SLC23A1: variants seen among roughly 807,000 people sequenced by gnomAD.
The protein encoded by SLC23A1 is Na(+)/L-ascorbic acid transporter 1.
SLC23A1 carries 31 observed loss-of-function variants against 62.5 expected under a neutral mutation model. That is an observed-to-expected ratio of 0.50 (90% CI 0.37 to 0.67). The LOEUF is 0.67. Ranked by LOEUF, SLC23A1 falls within the 30% of genes least tolerant of loss-of-function variation. The pLI, the probability that SLC23A1 is intolerant of heterozygous loss-of-function variation, is 0.00. For missense variants in SLC23A1, 640 were observed against 782.7 expected, an observed-to-expected ratio of 0.82 and a Z score of 2.18; for synonymous variants, 271 against 313.2, an observed-to-expected ratio of 0.87 and a Z score of 1.42.
upstream of SLC23A1, chr5:139,384,414 G>A (rs1419431951): frequency 2.6e-5 from 34 of 1,289,620 alleles, no homozygotes; most frequent in Admixed American, 4.6e-5. Flanking sequence ...GGGCAGCACC[G>A]CTCTCCAGCT....
At chr5:139,383,837 T>C (rs10063949), upstream of SLC23A1, among the ~76,000 whole-genome samples, 73,323 of 152,184 alleles carry the variant, frequency 0.48, 20,274 homozygotes, top group African/African-American at 0.75. Context: ...ATAGCAAGTT[T>C]GCAGAAACCA....
chr5:139,383,194 G>GCC, intron 1 of SLC23A1, 24 bp downstream of exon 1: 1 of 96,956 alleles, frequency 1.0e-5, no homozygotes, highest in Non-Finnish European at 1.8e-5. Context: ...GCCCCCCCTA[G>GCC]CCCCCACCCC....
In SLC23A1 at chr5:139,380,396, G is replaced by C; in HGVS notation, c.466-7C>G. 6.2e-7 allele frequency: 1 copy of C among 1,613,328 alleles called. No homozygotes were observed. The highest frequency in any genetic ancestry group is 2.2e-5 in the East Asian group (1 of 44,846). On this transcript the variant is annotated splice_polypyrimidine_tract_variant and splice_region_variant and intron_variant, in intron 5 of 14. Transcript: ENST00000348729. The stretch of plus-strand genomic sequence containing the variant: ...CCATGATTGCACCCTGGACCTGGAA[G>C]GGCAAACATCAGCCGTAAGTCACCA...
At position 139,381,721 on chromosome 5, in the gene SLC23A1, G is replaced by T. The variant is rs375206275; in HGVS notation, c.308+171C>A. On this transcript the variant is annotated intron_variant, in intron 3 of 14. Coordinates refer to ENST00000348729, the MANE Select transcript of SLC23A1 (RefSeq NM_005847.5). The stretch of plus-strand genomic sequence containing the variant: ...AGTGTGCCTAGATCAAGATTCCCAG[G>T]GTTGGGGCCACGCTGCCCAGCTCTA... 2.0e-5 allele frequency among the ~76,000 whole-genome samples: 3 copies of T among 152,102 alleles called. No homozygotes were observed. In the South Asian group the frequency reaches 6.2e-4, roughly 32 times the overall value.
Position 139,376,382 on chromosome 5 carries a change from C to A in SLC23A1, c.1549+1020G>T, listed in dbSNP as rs571198118. ...ATGGGGTTTCACCATGTTGGCCAGGCTTGTCTCAAACTCCTGACCTCGTGA... is the reference window on the plus strand; with the variant it reads ...ATGGGGTTTCACCATGTTGGCCAGGATTGTCTCAAACTCCTGACCTCGTGA... On this transcript the variant is annotated intron_variant, in intron 13 of 14. Transcript: ENST00000348729. 1.3e-4 allele frequency among the ~76,000 whole-genome samples: 20 copies of A among 152,138 alleles called. No homozygotes were observed. The East Asian group carries it at 3.5e-3, about 26-fold the overall frequency.
Position 139,371,970 on chromosome 5 carries a change from C to T in SLC23A1, c.*19+17G>A. ...TGATTATTCAACCCTCCCACAAAAA[C>T]CATAGACACATCCTACCTTTCCTGG... On this transcript the variant is annotated intron_variant, in intron 14 of 14. Coordinates refer to ENST00000348729, the MANE Select transcript of SLC23A1 (RefSeq NM_005847.5). 6.3e-7 allele frequency: 1 copy of T among 1,594,818 alleles called. No individual in the cohort carries two copies. The highest frequency in any genetic ancestry group is 1.3e-5 in the African/African-American group (1 of 74,354).
chr5:139,367,872 C>G (rs1382974190), intron 14 of SLC23A1, among the ~76,000 whole-genome samples: 9 of 152,284 alleles, frequency 5.9e-5, no homozygotes, highest in Admixed American at 3.9e-4. Flanking sequence ...TACACTTAAG[C>G]AAACTGAATT....
intron 2 of SLC23A1, 70 bp downstream of exon 2, chr5:139,382,422 C>T: frequency 1.2e-6 from 1 of 855,166 alleles, no homozygotes; most frequent in Non-Finnish European, 1.9e-6. Flanking sequence ...ATACTCCCTG[C>T]TGGCCAGGGA....
At position 139,380,521 on chromosome 5, in the gene SLC23A1, C is replaced by T. The variant is rs113943687; in HGVS notation, c.465+44G>A. The stretch of plus-strand genomic sequence containing the variant: ...CGGCCACCCTCACTCCCATATAGCC[C>T]CTCCTCAGGACCCGGCCTCTTCTAT... On this transcript the variant is annotated intron_variant, in intron 5 of 14. Transcript: ENST00000348729. The T allele has an allele frequency of 3.5e-5, 56 of 1,603,692 alleles. 2 individuals carry two copies. The highest frequency in any genetic ancestry group is 2.8e-4 in the African/African-American group (21 of 74,832).
intron 13 of SLC23A1, among the ~76,000 whole-genome samples, chr5:139,372,983 A>G (rs1249513649): frequency 6.6e-6 from 1 of 152,176 alleles, no homozygotes; most frequent in Non-Finnish European, 1.5e-5. Context: ...TGGGGACCAA[A>G]TCAAGTCCAG....
intron 14 of SLC23A1, among the ~76,000 whole-genome samples, chr5:139,369,949 C>T (rs1757550830): frequency 6.6e-6 from 1 of 152,162 alleles, no homozygotes; most frequent in Non-Finnish European, 1.5e-5. Flanking sequence ...TCAGGGGAAT[C>T]CTAGATAGTC....
At chr5:139,375,922 C>G (rs902573043) in intron 13 of SLC23A1, among the ~76,000 whole-genome samples, 1 of 151,982 alleles carries the variant, frequency 6.6e-6, no homozygotes, top group African/African-American at 2.4e-5. Context: ...TCACTTGAGC[C>G]CAGGAGTTCA....
Position 139,379,196 on chromosome 5 carries a change from A to G in SLC23A1, c.1073+11T>C, listed in dbSNP as rs1209589713. 6.2e-7 allele frequency: 1 copy of G among 1,613,892 alleles called. No individual in the cohort carries two copies. Among genetic ancestry groups the G allele is most frequent in the Non-Finnish European group, 8.5e-7 (1 of 1,179,808 alleles). Reference sequence around the variant, plus strand: ...GAGGAGATCAGATACTGAGGAGGGCAGGTAGGCTACCTGTTGATAGCATGT... The same window carrying G: ...GAGGAGATCAGATACTGAGGAGGGCGGGTAGGCTACCTGTTGATAGCATGT... On this transcript the variant is annotated intron_variant, in intron 9 of 14. Coordinates refer to ENST00000348729, the MANE Select transcript of SLC23A1 (RefSeq NM_005847.5). This position sits in a 1 kb window ranked among gnomAD's most constrained non-coding sequence, Gnocchi z 4.7.
chr5:139,376,153 A>G (rs1194820805), intron 13 of SLC23A1, among the ~76,000 whole-genome samples: 1 of 146,706 alleles, frequency 6.8e-6, no homozygotes, highest in Non-Finnish European at 1.5e-5. Context: ...ATTAAAATAT[A>G]CATCCCAGAT....
At chr5:139,375,323 G>C (rs567424032) in intron 13 of SLC23A1, among the ~76,000 whole-genome samples, 13 of 152,358 alleles carry the variant, frequency 8.5e-5, no homozygotes, top group Non-Finnish European at 1.6e-4. Context: ...GTATGGTGCA[G>C]TGGATGGGAC....
intron 13 of SLC23A1, among the ~76,000 whole-genome samples, chr5:139,372,564 A>G (rs1266301543): frequency 6.6e-6 from 1 of 152,090 alleles, no homozygotes; most frequent in African/African-American, 2.4e-5. Context: ...ACACCATTGT[A>G]CAAATTTTTA....
Position 139,382,591 on chromosome 5 carries a change from C to G in SLC23A1, c.51G>C (p.Arg17Ser), listed in dbSNP as rs1487129344. The change falls in exon 2 of 15, where the codon AGG becomes AGC. Residue 17 changes from arginine to serine, a missense_variant. Physicochemically the swap from Arg to Ser is moderately radical, Grantham distance 110. Coordinates refer to ENST00000348729, the MANE Select transcript of SLC23A1 (RefSeq NM_005847.5). ...LEGRTQHETTRDPSTPLPTEP... is the reference protein window; with the variant it reads ...LEGRTQHETTSDPSTPLPTEP... Reference sequence around the variant, plus strand: ...CTGTGGGTAGCGGGGTCGAGGGGTCCCTGGTGGTTTCATGCTGGAGGCAGC... The same window carrying G: ...CTGTGGGTAGCGGGGTCGAGGGGTCGCTGGTGGTTTCATGCTGGAGGCAGC... 8.7e-6 allele frequency: 14 copies of G among 1,611,534 alleles called. No homozygotes were observed. The highest frequency in any genetic ancestry group is 1.2e-5 in the Non-Finnish European group (14 of 1,178,300).
chr5:139,376,134 C>T (rs918267551), intron 13 of SLC23A1, among the ~76,000 whole-genome samples: 1 of 151,550 alleles, frequency 6.6e-6, no homozygotes, highest in Non-Finnish European at 1.5e-5. Context: ...AGTCTGAGAC[C>T]CTGTCTCAAT....
rs536872948 is a variant in SLC23A1 at position 139,379,140 on chromosome 5, C to T, written c.1073+67G>A. 1.9e-4 allele frequency: 300 copies of T among 1,552,952 alleles called. 2 individuals are homozygous for T. The South Asian group carries it at 2.6e-3, about 13-fold the overall frequency. ...AAGCCTACCCCCTGGGCCTCCACCC[C>T]GTTCCTGTGTGTGCTTCCTGGGTGG... On this transcript the variant is annotated intron_variant, in intron 9 of 14. Coordinates refer to ENST00000348729, the MANE Select transcript of SLC23A1 (RefSeq NM_005847.5). The surrounding 1 kb of genome is among the most constrained non-coding windows in gnomAD (Gnocchi z 4.7).
Sources: allele counts gnomAD v4.1 joint callset (sites outside exome capture counted in the v4.1 genomes callset), GRCh38; gene constraint gnomAD v4.1.1; non-coding constraint Gnocchi (gnomAD v3.1); transcripts MANE v1.5; gene names NCBI Gene and HGNC (gene_info 2026-07-23, HGNC 2026-07-21).